SP4: variants seen among roughly 807,000 people sequenced by gnomAD.
The protein encoded by SP4 is Sp4 transcription factor.
SP4 carries 19 observed loss-of-function variants against 72.8 expected under a neutral mutation model. That is an observed-to-expected ratio of 0.26 (90% confidence interval 0.18 to 0.38). SP4 has a LOEUF of 0.38. Ranked by LOEUF, SP4 falls within the 10% of genes least tolerant of loss-of-function variation. The pLI is 1.00. For synonymous variants in SP4, 395 were observed against 333.1 expected, an observed-to-expected ratio of 1.19 and a Z score of -2.02; for missense variants, 1,008 against 926.3, an observed-to-expected ratio of 1.09 and a Z score of -1.14.
intron 5 of SP4, among the ~76,000 whole-genome samples, chr7:21,491,744 A>T (rs572008711): frequency 6.6e-6 from 1 of 152,348 alleles, no homozygotes; most frequent in South Asian, 2.1e-4. Context: ...AGAACTATCA[A>T]CTATCAACTC....
At position 21,512,633 on chromosome 7, in the gene SP4, C is replaced by T. The variant is rs533246224; in HGVS notation, c.*1364C>T. 1 of 149,220 alleles carries T rather than the reference C, an allele frequency of 6.7e-6. No homozygotes were observed. The highest frequency in any genetic ancestry group is 2.1e-4 in the South Asian group (1 of 4,732). 9.2% of individuals were successfully genotyped at this position (149,220 alleles called of 1,614,324 possible). A position where few individuals can be genotyped will look rare whatever the true frequency, so the allele number is the denominator to read the frequency against. ...CTGGAGTGCAATGGCACGATCTCAG[C>T]TTACTGCAACCGCCGCCTCCCAGGT... is the stretch of plus-strand genomic sequence containing the variant. On this transcript the variant is annotated 3_prime_UTR_variant, in exon 6 of 6. Transcript: ENST00000222584.
At chr7:21,485,239 C>G (rs1172941651) in intron 5 of SP4, among the ~76,000 whole-genome samples, 1 of 151,900 alleles carries the variant, frequency 6.6e-6, no homozygotes, top group East Asian at 1.9e-4. Context: ...TATTTGATGT[C>G]TAACCACTAC....
chr7:21,510,116 C>G (rs1782104765), intron 5 of SP4, among the ~76,000 whole-genome samples: 1 of 152,192 alleles, frequency 6.6e-6, no homozygotes, highest in South Asian at 2.1e-4. Flanking sequence ...CCTCCCACAA[C>G]ATGTGGGAAT....
At chr7:21,463,135 A>G (rs1461546386) in intron 3 of SP4, among the ~76,000 whole-genome samples, 1 of 150,780 alleles carries the variant, frequency 6.6e-6, no homozygotes, top group African/African-American at 2.4e-5. Flanking sequence ...CTAAAATGAG[A>G]TTTTAAAAAG....
chr7:21,508,940 T>C (rs933536185), intron 5 of SP4, among the ~76,000 whole-genome samples: 1 of 151,968 alleles, frequency 6.6e-6, no homozygotes, highest in African/African-American at 2.4e-5. Flanking sequence ...TTGCTTATTA[T>C]CGATTGATTG....
chr7:21,492,115 G>A (rs778086013), intron 5 of SP4, among the ~76,000 whole-genome samples: 1 of 152,088 alleles, frequency 6.6e-6, no homozygotes, highest in Non-Finnish European at 1.5e-5. Flanking sequence ...ATTGTATGTT[G>A]ATGTAATACA....
chr7:21,496,970 C>G (rs1001189845), intron 5 of SP4, among the ~76,000 whole-genome samples: 18 of 152,210 alleles, frequency 1.2e-4, no homozygotes, highest in Admixed American at 7.9e-4. Context: ...CTTCTAGATT[C>G]CTGTGTATAT....
intron 3 of SP4, among the ~76,000 whole-genome samples, chr7:21,468,132 A>G (rs541646357): frequency 3.5e-4 from 54 of 152,254 alleles, no homozygotes; most frequent in African/African-American, 1.2e-3. Context: ...TATTTTGTGT[A>G]CACACACGCA....
intron 3 of SP4, among the ~76,000 whole-genome samples, chr7:21,469,283 T>C (rs1305824391): frequency 6.6e-6 from 1 of 152,088 alleles, no homozygotes; most frequent in Non-Finnish European, 1.5e-5. Context: ...AGCATCAAAA[T>C]ACATTGAACA....
chr7:21,496,305 C>T (rs1416400319), intron 5 of SP4, among the ~76,000 whole-genome samples: 1 of 152,166 alleles, frequency 6.6e-6, no homozygotes, highest in Non-Finnish European at 1.5e-5. Flanking sequence ...TGAGAGACTA[C>T]AGTGTAAAAA....
At chr7:21,491,337 G>T (rs1784972672) in intron 5 of SP4, among the ~76,000 whole-genome samples, 1 of 152,134 alleles carries the variant, frequency 6.6e-6, no homozygotes, top group Non-Finnish European at 1.5e-5. Flanking sequence ...TGAGATTGAA[G>T]ATAGACCACT....
intron 5 of SP4, among the ~76,000 whole-genome samples, chr7:21,483,395 ATCTTT>A (rs1049479701): frequency 6.6e-6 from 1 of 151,766 alleles, no homozygotes; most frequent in Non-Finnish European, 1.5e-5. Flanking sequence ...TCAAATATAA[ATCTTT>A]TCTTTTGTCT....
At chr7:21,469,953 G>T (rs1167235094) in intron 3 of SP4, among the ~76,000 whole-genome samples, 2 of 152,102 alleles carry the variant, frequency 1.3e-5, no homozygotes, top group Admixed American at 6.5e-5. Flanking sequence ...TGATACCTGA[G>T]AGAGTAGTAC....
rs527617440 is a variant in SP4 at position 21,447,710 on chromosome 7, G to T, written c.1678+16867G>T. Among the ~76,000 whole-genome samples the T allele has an allele frequency of 8.6e-4, 131 of 152,314 alleles. 1 individual carries two copies. Among genetic ancestry groups the T allele is most frequent in the African/African-American group, 3.0e-3 (126 of 41,574 alleles). ...AAGAAAGTACTTTTTTTGAGACAGA[G>T]TCTTGCTCTGTGGTCCAGGCTGGAA... On this transcript the variant is annotated intron_variant, in intron 3 of 5. Transcript: ENST00000222584.
intron 3 of SP4, among the ~76,000 whole-genome samples, chr7:21,448,721 C>T (rs1011538961): frequency 1.3e-5 from 2 of 152,172 alleles, no homozygotes; most frequent in African/African-American, 2.4e-5. Flanking sequence ...AGTATTATTA[C>T]ATCGTTTTGT....
intron 3 of SP4, among the ~76,000 whole-genome samples, chr7:21,438,707 AC>A (rs1375311037): frequency 6.6e-6 from 1 of 152,182 alleles, no homozygotes; most frequent in African/African-American, 2.4e-5. Flanking sequence ...CTAGAAAAAA[AC>A]AATTTACAAG....
chr7:21,461,604 C>T (rs910157838), intron 3 of SP4, among the ~76,000 whole-genome samples: 3 of 152,182 alleles, frequency 2.0e-5, no homozygotes, highest in South Asian at 2.1e-4. Flanking sequence ...GCGCGCAGCC[C>T]CGGTTGCCAC....
chr7:21,480,660 T>C (rs534942664), intron 4 of SP4, among the ~76,000 whole-genome samples: 2 of 152,226 alleles, frequency 1.3e-5, no homozygotes, highest in African/African-American at 4.8e-5. Flanking sequence ...TGTTTACTTT[T>C]CCCAAGAATC....
At chr7:21,430,979 T>C in intron 3 of SP4, 136 bp downstream of exon 3, 1 of 631,928 alleles carries the variant, frequency 1.6e-6, no homozygotes, top group East Asian at 2.7e-5. Context: ...ATAGCAATAT[T>C]ATACTAACAA....
Sources: gnomAD v4.1 joint callset for allele counts (sites outside exome capture counted in the v4.1 genomes callset) on GRCh38, gnomAD v4.1.1 for gene constraint, MANE v1.5 for transcripts, NCBI Gene and HGNC (gene_info 2026-07-23, HGNC 2026-07-21) for gene names.